Variants in SOWAHB observed in about 807,000 individuals in gnomAD.
SOWAHB encodes the protein ankyrin repeat domain-containing protein SOWAHB.
A neutral mutation model predicts 18.3 loss-of-function variants in SOWAHB; 17 were observed. The observed-to-expected ratio is 0.93, with a 90% confidence interval of 0.64 to 1.40. The LOEUF is 1.40. Ranked by LOEUF, SOWAHB falls within the 40% of genes most tolerant of loss-of-function variation. SOWAHB has a pLI of 0.00. For synonymous variants in SOWAHB, 496 were observed against 448.1 expected (o/e 1.11, Z -1.35); for missense variants, 1,126 against 1,033.7 (o/e 1.09, Z -1.22).
Position 76,897,468 on chromosome 4 carries a change from CCTT to C in SOWAHB, c.379_381del (p.Lys127del), listed in dbSNP as rs1315061712. 5 of 1,490,658 alleles carry C rather than the reference CCTT, an allele frequency of 3.4e-6. No individual in the cohort carries two copies. The highest frequency in any genetic ancestry group is 4.4e-6 in the Non-Finnish European group (5 of 1,127,620). The allele number at this position is 1,490,658 out of a possible 1,614,324, so 92.3% of individuals were successfully genotyped here. ...GCACCTGCTGGCTCCTCCTCCGGCT[CCTT>C]CTCGCGCCGCCGCCGCCTGGGCTGC... On this transcript the variant is annotated inframe_deletion, in exon 1 of 1. Coordinates refer to ENST00000334306, the MANE Select transcript of SOWAHB (RefSeq NM_001029870.3). This position sits in a 1 kb window ranked among gnomAD's most constrained non-coding sequence, Gnocchi z 6.4.
In SOWAHB at chr4:76,897,199, G is replaced by A. The variant is rs749790751; in HGVS notation, c.651C>T (p.His217=). The A allele has an allele frequency of 6.3e-6, 10 of 1,581,102 alleles. No homozygotes were observed. The African/African-American group carries it at 9.4e-5, about 15-fold the overall frequency. ...VLPGELGALP[H]SATAEEKPAR... is the part of the protein sequence containing the mutation. ...CCGGCTTCTCCTCCGCGGTGGCCGA[G>A]TGCGGGAGTGCGCCGAGCTCTCCCG... The change falls in exon 1 of 1, where the codon CAC becomes CAT. Residue 217 remains histidine, a synonymous_variant. Coordinates refer to ENST00000334306, the MANE Select transcript of SOWAHB (RefSeq NM_001029870.3). The surrounding 1 kb of genome is among the most constrained non-coding windows in gnomAD (Gnocchi z 6.4).
In SOWAHB at chr4:76,897,565, G is replaced by A. The variant is rs755156179; in HGVS notation, c.285C>T (p.Ala95=). 1 of 1,590,040 alleles carries A rather than the reference G, an allele frequency of 6.3e-7. No individual in the cohort carries two copies. Among genetic ancestry groups the A allele is most frequent in the South Asian group, 1.1e-5 (1 of 89,308 alleles). Reference sequence around the variant, plus strand: ...GCGCAGCTCCCCCTGCACTGGGGGCGGCCGCGGGCGGCTCGCGGGGTCGCT... The same window carrying A: ...GCGCAGCTCCCCCTGCACTGGGGGCAGCCGCGGGCGGCTCGCGGGGTCGCT... The part of the protein sequence containing the change: ...GLQRPREPPA[A]APSAGGAAPC... The change falls in exon 1 of 1, where the codon GCC becomes GCT. Residue 95 remains alanine (A), a synonymous_variant. Coordinates refer to ENST00000334306, the MANE Select transcript of SOWAHB (RefSeq NM_001029870.3). The surrounding 1 kb of genome is among the most constrained non-coding windows in gnomAD (Gnocchi z 6.4).
Position 76,897,058 on chromosome 4 carries a change from C to A in SOWAHB, c.792G>T (p.Glu264Asp). Reference protein sequence around the residue: ...AVAHSPPATVEAATSRASPPA... With the variant: ...AVAHSPPATVDAATSRASPPA... ...GCGGGGAAGCCCTGCTTGTCGCAGC[C>A]TCGACGGTGGCGGGAGGCGAGTGAG... The change falls in exon 1 of 1, where the codon GAG (glutamate) becomes GAT (aspartate). Residue 264 changes from glutamate (E) to aspartate (D), a missense_variant. By Grantham distance (45) the Glu-to-Asp change is conservative. Coordinates refer to ENST00000334306, the MANE Select transcript of SOWAHB (RefSeq NM_001029870.3). The surrounding 1 kb of genome is among the most constrained non-coding windows in gnomAD (Gnocchi z 6.4). 6.5e-7 allele frequency: 1 copy of A among 1,540,594 alleles called. No individual in the cohort carries two copies. The highest frequency in any genetic ancestry group is 8.7e-7 in the Non-Finnish European group (1 of 1,149,334).
rs1578082248 is a variant in SOWAHB at position 76,896,566 on chromosome 4, T to C, written c.1284A>G (p.Gly428=). ...ASEEGLQVVL[G]TPDRGKLRNP... ...TCCTGAGCTTCCCCCTATCTGGGGTTCCCAAGACAACCTGCAGCCCCTCTT... is the reference window on the plus strand; with the variant it reads ...TCCTGAGCTTCCCCCTATCTGGGGTCCCCAAGACAACCTGCAGCCCCTCTT... The change falls in exon 1 of 1, where the codon GGA becomes GGG. Residue 428 remains glycine, a synonymous_variant. Coordinates refer to ENST00000334306, the MANE Select transcript of SOWAHB (RefSeq NM_001029870.3). 6.2e-7 allele frequency: 1 copy of C among 1,613,550 alleles called. No individual in the cohort carries two copies. The highest frequency in any genetic ancestry group is 1.1e-5 in the South Asian group (1 of 91,076).
rs760463489 is a variant in SOWAHB, at chr4:76,897,734, G to A, written c.116C>T (p.Ala39Val). ...GCGGTGCTGGTGCTGGCTGGGGGAC[G>A]CGTCGGGGTCTCGGAGAAAGCTCTT... is the stretch of plus-strand genomic sequence containing the variant. Reference protein sequence around the residue: ...HFKSFLRDPDASPSQHQHRRE... With the variant: ...HFKSFLRDPDVSPSQHQHRRE... The change falls in exon 1 of 1, where the codon GCG (alanine) becomes GTG (valine). Residue 39 changes from alanine (A) to valine (V), a missense_variant. Transcript: ENST00000334306. This position sits in a 1 kb window ranked among gnomAD's most constrained non-coding sequence, Gnocchi z 6.4. The A allele has an allele frequency of 3.1e-6, 5 of 1,609,790 alleles. No individual in the cohort carries two copies. The Admixed American group carries it at 8.3e-5, about 27-fold the overall frequency.
In SOWAHB at chr4:76,897,680, G is replaced by T. The variant is rs368256141; in HGVS notation, c.170C>A (p.Ser57Ter). 1.7e-5 allele frequency: 27 copies of T among 1,612,120 alleles called. No individual in the cohort carries two copies. The highest frequency in any genetic ancestry group is 2.2e-5 in the Non-Finnish European group (26 of 1,179,906). The change falls in exon 1 of 1, where the codon TCG becomes TAG. Residue 57 changes from serine to a stop codon, truncating the protein, a stop_gained. Transcript: ENST00000334306. LOFTEE classifies it low-confidence loss of function (END_TRUNC). The surrounding 1 kb of genome is among the most constrained non-coding windows in gnomAD (Gnocchi z 6.4). ...RRELFKGFVN[S>*]VAAVRQDPDG... ...GGGGTCCTGGCGCACTGCGGCGACC[G>T]AGTTGACGAAGCCCTTGAAGAGCTC...
chr4:76,897,865 C>T lies in SOWAHB; in HGVS notation c.-16G>A, dbSNP rs772118453. On this transcript the variant is annotated 5_prime_UTR_variant, in exon 1 of 1. Coordinates refer to ENST00000334306, the MANE Select transcript of SOWAHB (RefSeq NM_001029870.3). The surrounding 1 kb of genome is among the most constrained non-coding windows in gnomAD (Gnocchi z 6.4). ...CTCGGGCCATCGCTGCCTTGTCCTC[C>T]GCCCCAGAGGTGTCTGAGTCTCGCC... 8.2e-6 allele frequency: 13 copies of T among 1,587,136 alleles called. No homozygotes were observed. The highest frequency in any genetic ancestry group is 1.7e-5 in the Admixed American group (1 of 58,272).
rs947584112 is a variant in SOWAHB, at chr4:76,898,016, G to A, written c.-167C>T. ...TGCCCGCAGCCCGTGAGCGCGCCAGGAGGGCCGTGGGTCCCCTCCGGGTGG... is the reference window on the plus strand; with the variant it reads ...TGCCCGCAGCCCGTGAGCGCGCCAGAAGGGCCGTGGGTCCCCTCCGGGTGG... On this transcript the variant is annotated 5_prime_UTR_variant, in exon 1 of 1. Coordinates refer to ENST00000334306, the MANE Select transcript of SOWAHB (RefSeq NM_001029870.3). 1.4e-5 allele frequency: 10 copies of A among 706,086 alleles called. No homozygotes were observed. 43.7% of individuals were successfully genotyped at this position (706,086 alleles called of 1,614,324 possible).
chr4:76,896,891 C>T lies in SOWAHB; in HGVS notation c.959G>A (p.Arg320His), dbSNP rs1460835942. ...CCAGGCGCGGATAGGGCCCTGATCA[C>T]GGGCCTCGGGCACCTGCGGGTGCCT... is the stretch of plus-strand genomic sequence containing the variant. ...VARHPQVPEA[R>H]DQGPIRAWSV... Residue 320 changes from arginine to histidine, a missense_variant, in exon 1 of 1, where the codon CGT (arginine) becomes CAT (histidine). Transcript: ENST00000334306. The T allele has an allele frequency of 2.5e-6, 4 of 1,612,556 alleles. No individual in the cohort carries two copies. Among genetic ancestry groups the T allele is most frequent in the African/African-American group, 1.3e-5 (1 of 74,946 alleles).
Position 76,895,882 on chromosome 4 carries a change from C to G in SOWAHB, c.1968G>C (p.Lys656Asn). Residue 656 changes from lysine (K) to asparagine (N), a missense_variant, in exon 1 of 1, where the codon AAG becomes AAC. Lys to Asn is a moderately conservative substitution (Grantham distance 94). Transcript: ENST00000334306. ...ALQDLVSGAK[K>N]AGIVLDVNVR... ...CGTTTACATCAAGGACAATCCCTGC[C>G]TTCTTTGCTCCAGACACCAAGTCCT... 6.2e-7 allele frequency: 1 copy of G among 1,614,214 alleles called. No individual in the cohort carries two copies. Among genetic ancestry groups the G allele is most frequent in the Non-Finnish European group, 8.5e-7 (1 of 1,180,036 alleles).
rs1319875160 is a variant in SOWAHB, at chr4:76,897,062, A to G, written c.788T>C (p.Val263Ala). 6.5e-7 allele frequency: 1 copy of G among 1,539,946 alleles called. No homozygotes were observed. Among genetic ancestry groups the G allele is most frequent in the South Asian group, 1.2e-5 (1 of 84,692 alleles). The change falls in exon 1 of 1, where the codon GTC (valine) becomes GCC (alanine). Residue 263 changes from valine (V) to alanine (A), a missense_variant. Coordinates refer to ENST00000334306, the MANE Select transcript of SOWAHB (RefSeq NM_001029870.3). The surrounding 1 kb of genome is among the most constrained non-coding windows in gnomAD (Gnocchi z 6.4). The stretch of plus-strand genomic sequence containing the variant: ...GGAAGCCCTGCTTGTCGCAGCCTCG[A>G]CGGTGGCGGGAGGCGAGTGAGCCAC... ...PAVAHSPPAT[V>A]EAATSRASPP...
In SOWAHB at chr4:76,895,745, C is replaced by T. The variant is rs1188207421; in HGVS notation, c.2105G>A (p.Ser702Asn). The T allele has an allele frequency of 6.2e-7, 1 of 1,614,144 alleles. No homozygotes were observed. Among genetic ancestry groups the T allele is most frequent in the Non-Finnish European group, 8.5e-7 (1 of 1,180,062 alleles). Residue 702 changes from serine (S) to asparagine (N), a missense_variant, in exon 1 of 1, where the codon AGC (serine) becomes AAC (asparagine). Transcript: ENST00000334306. ...ATACTGCCATGGCTTCTTCCCACTG[C>T]TGTCCCTGACATTTACCCGAGAAGC... ...RLASRVNVRD[S>N]SGKKPWQYLT... is the part of the protein sequence containing the mutation.
At position 76,895,726 on chromosome 4, in the gene SOWAHB, C is replaced by T; in HGVS notation, c.2124G>A (p.Trp708Ter). Reference sequence around the variant, plus strand: ...CAGAGGTATTACTGGTTAGATACTGCCATGGCTTCTTCCCACTGCTGTCCC... The same window carrying T: ...CAGAGGTATTACTGGTTAGATACTGTCATGGCTTCTTCCCACTGCTGTCCC... ...NVRDSSGKKP[W>*]QYLTSNTSGE... Residue 708 changes from tryptophan (W) to a stop codon, truncating the protein, a stop_gained, in exon 1 of 1, where the codon TGG becomes TGA. Transcript: ENST00000334306. LOFTEE classifies it high-confidence loss of function. 1.9e-6 allele frequency: 3 copies of T among 1,614,250 alleles called. No homozygotes were observed. Among genetic ancestry groups the T allele is most frequent in the Non-Finnish European group, 2.5e-6 (3 of 1,180,046 alleles).
Position 76,895,568 on chromosome 4 carries a change from G to C in SOWAHB, c.2282C>G (p.Ser761Cys), listed in dbSNP as rs1719889262. ...EISRSVTRKTSFAALLKSQHN... is the reference protein window; with the variant it reads ...EISRSVTRKTCFAALLKSQHN... ...CTGACTTTTGAGTAGTGCAGCGAAG[G>C]AAGTTTTTCGGGTGACACTTCTAGA... The change falls in exon 1 of 1, where the codon TCC (serine) becomes TGC (cysteine). Residue 761 changes from serine (S) to cysteine (C), a missense_variant. Physicochemically the swap from Ser to Cys is moderately radical, Grantham distance 112 (BLOSUM62 -1). Transcript: ENST00000334306. The C allele has an allele frequency of 6.2e-7, 1 of 1,614,200 alleles. No individual in the cohort carries two copies. Among genetic ancestry groups the C allele is most frequent in the African/African-American group, 1.3e-5 (1 of 75,042 alleles).
In SOWAHB at chr4:76,894,590, C is replaced by T. The variant is rs1719867120; in HGVS notation, c.*878G>A. Among the ~76,000 whole-genome samples, 1 of 152,170 alleles carries T rather than the reference C, an allele frequency of 6.6e-6. No individual in the cohort carries two copies. The stretch of plus-strand genomic sequence containing the variant: ...ATTTCTCTCTTTTTATGAGTACAAA[C>T]GTTGGCCATTCAAACCTCTGAAAAC... On this transcript the variant is annotated 3_prime_UTR_variant, in exon 1 of 1. Transcript: ENST00000334306.
At position 76,896,465 on chromosome 4, in the gene SOWAHB, C is replaced by T. The variant is rs1719915275; in HGVS notation, c.1385G>A (p.Gly462Glu). 1.2e-6 allele frequency: 2 copies of T among 1,612,868 alleles called. No homozygotes were observed. Among genetic ancestry groups the T allele is most frequent in the African/African-American group, 1.3e-5 (1 of 75,054 alleles). ...SRSPQGLRNR[G>E]DGHISQQVPA... ...GACCTGCTGAGAGATGTGACCATCC[C>T]CTCTGTTTCTGAGACCCTGAGGGCT... is the stretch of plus-strand genomic sequence containing the variant. The change falls in exon 1 of 1, where the codon GGG becomes GAG. Residue 462 changes from glycine (G) to glutamate (E), a missense_variant. Transcript: ENST00000334306.
In SOWAHB at chr4:76,896,981, G is replaced by T; in HGVS notation, c.869C>A (p.Thr290Asn). 3.2e-6 allele frequency: 5 copies of T among 1,584,902 alleles called. No individual in the cohort carries two copies. The highest frequency in any genetic ancestry group is 4.3e-6 in the Non-Finnish European group (5 of 1,168,792). ...GGTCGAATAATGCAGGGAGCTGGGG[G>T]TCAGCAGCTCCGGCCGGTCTCCGCG... ...APRGDRPELL[T>N]PSSLHYSTLQ... Residue 290 changes from threonine to asparagine, a missense_variant, in exon 1 of 1, where the codon ACC (threonine) becomes AAC (asparagine). Physicochemically the swap from Thr to Asn is moderately conservative, Grantham distance 65 (BLOSUM62 0). Transcript: ENST00000334306.
At position 76,895,350 on chromosome 4, in the gene SOWAHB, C is replaced by T. The variant is rs1719883671; in HGVS notation, c.*118G>A. ...GTGACATAAGATCCAGGGAGGTCAACACCATCTCACTCGACCATCCTCTTT... is the reference window on the plus strand; with the variant it reads ...GTGACATAAGATCCAGGGAGGTCAATACCATCTCACTCGACCATCCTCTTT... On this transcript the variant is annotated 3_prime_UTR_variant, in exon 1 of 1. Coordinates refer to ENST00000334306, the MANE Select transcript of SOWAHB (RefSeq NM_001029870.3). 1 of 1,005,356 alleles carries T rather than the reference C, an allele frequency of 9.9e-7. No homozygotes were observed. Among genetic ancestry groups the T allele is most frequent in the African/African-American group, 1.6e-5 (1 of 61,786 alleles). The allele number at this position is 1,005,356 out of a possible 1,614,324, so 62.3% of individuals were successfully genotyped here.
rs1046670361 is a variant in SOWAHB at position 76,894,557 on chromosome 4, G to C, written c.*911C>G. On this transcript the variant is annotated 3_prime_UTR_variant, in exon 1 of 1. Coordinates refer to ENST00000334306, the MANE Select transcript of SOWAHB (RefSeq NM_001029870.3). ...TCTTAACCCTTACTGTTTCCCCAGA[G>C]TGAAATCATTTCTCTCTTTTTATGA... Among the ~76,000 whole-genome samples the C allele has an allele frequency of 6.6e-6, 1 of 152,224 alleles. No homozygotes were observed. The highest frequency in any genetic ancestry group is 2.4e-5 in the African/African-American group (1 of 41,464).
Sources: gnomAD v4.1 joint callset for allele counts (sites outside exome capture counted in the v4.1 genomes callset) on GRCh38, gnomAD v4.1.1 for gene constraint, Gnocchi (gnomAD v3.1) non-coding constraint, MANE v1.5 for transcripts, NCBI Gene and HGNC (gene_info 2026-07-23, HGNC 2026-07-21) for gene names.